SLC16A10: variants seen among roughly 807,000 people sequenced by gnomAD.
SLC16A10 encodes monocarboxylate transporter 10.
SLC16A10 carries 27 observed loss-of-function variants against 40.0 expected under a neutral mutation model. The observed-to-expected ratio is 0.67, with a 90% CI of 0.50 to 0.93. SLC16A10 has a LOEUF of 0.93. SLC16A10 is among the 40% of genes least tolerant of loss of function. SLC16A10 has a pLI of 0.00. For missense variants in SLC16A10, 529 were observed against 658.2 expected (o/e 0.80, Z 2.15); for synonymous variants, 213 against 249.8 (o/e 0.85, Z 1.39).
chr6:111,192,753 A>G (rs1229986435), intron 3 of SLC16A10, among the ~76,000 whole-genome samples: 2 of 152,200 alleles, frequency 1.3e-5, no homozygotes, highest in African/African-American at 4.8e-5. Flanking sequence ...CTTACACGGC[A>G]GGAGGCAAGA....
chr6:111,200,336 C>G (rs901256539), intron 3 of SLC16A10, among the ~76,000 whole-genome samples: 4 of 152,190 alleles, frequency 2.6e-5, no homozygotes, highest in African/African-American at 9.7e-5. Flanking sequence ...GCTAAGATTA[C>G]ATTTTGGGGC....
chr6:111,091,899 A>G (rs1173925728), intron 1 of SLC16A10, among the ~76,000 whole-genome samples: 1 of 152,188 alleles, frequency 6.6e-6, no homozygotes. Context: ...ATAATGACTG[A>G]GAGAGAAAAT....
In SLC16A10 at chr6:111,213,672, G is replaced by C. The variant is rs527731808; in HGVS notation, c.1087-5142G>C. ...CTAGACTGTGGCACTGGGTGTGAAC[G>C]TATCAAATGCATGTTTCTCCATCAG... is the stretch of plus-strand genomic sequence containing the variant. On this transcript the variant is annotated intron_variant, in intron 4 of 5. Transcript: ENST00000368851. Among the ~76,000 whole-genome samples, 6 of 152,318 alleles carry C rather than the reference G, an allele frequency of 3.9e-5. No individual in the cohort carries two copies. In the South Asian group the frequency reaches 8.3e-4, roughly 21 times the overall value.
At chr6:111,097,909 C>T (rs1038919719) in intron 1 of SLC16A10, among the ~76,000 whole-genome samples, 7 of 152,136 alleles carry the variant, frequency 4.6e-5, no homozygotes, top group Admixed American at 4.6e-4. Context: ...ATTGCACCTA[C>T]GGAAAGGTGC....
chr6:111,182,957 C>T (rs762164327), intron 3 of SLC16A10, among the ~76,000 whole-genome samples: 3 of 152,248 alleles, frequency 2.0e-5, no homozygotes, highest in Non-Finnish European at 4.4e-5. Context: ...GCCTGGATCA[C>T]TGCCAGAGCC....
rs544227227 is a variant in SLC16A10 at position 111,224,524 on chromosome 6, A to T, written c.*2289A>T. 9.2e-5 allele frequency: 14 copies of T among 152,334 alleles called. No homozygotes were observed. The highest frequency in any genetic ancestry group is 3.9e-4 in the Admixed American group (6 of 15,294). The allele number at this position is 152,334 out of a possible 1,614,324, so 9.4% of individuals were successfully genotyped here. ...TATGTGTTTGTATATTAAACTTCACATATGTAGTTTTCAGTTTAATGGAAT... is the reference window on the plus strand; with the variant it reads ...TATGTGTTTGTATATTAAACTTCACTTATGTAGTTTTCAGTTTAATGGAAT... On this transcript the variant is annotated 3_prime_UTR_variant, in exon 6 of 6. Transcript: ENST00000368851.
chr6:111,121,474 T>A (rs1457819237), intron 1 of SLC16A10, among the ~76,000 whole-genome samples: 1 of 152,160 alleles, frequency 6.6e-6, no homozygotes, highest in East Asian at 1.9e-4. Context: ...GGCAGGAGGA[T>A]CACCTGAGCC....
chr6:111,100,952 TTCTCTC>T (rs1771165445), intron 1 of SLC16A10, among the ~76,000 whole-genome samples: 1 of 81,612 alleles, frequency 1.2e-5, no homozygotes, highest in Non-Finnish European at 2.4e-5. Context: ...CTCTCGCTCT[TTCTCTC>T]CCTCTCTCTC....
intron 1 of SLC16A10, among the ~76,000 whole-genome samples, chr6:111,118,324 G>A (rs760155929): frequency 8.5e-5 from 13 of 152,180 alleles, no homozygotes; most frequent in Non-Finnish European, 1.8e-4. Flanking sequence ...TAAATTTTCT[G>A]AAAGTTATAG....
chr6:111,127,986 A>G (rs1316575771), intron 1 of SLC16A10, among the ~76,000 whole-genome samples: 1 of 152,146 alleles, frequency 6.6e-6, no homozygotes, highest in Non-Finnish European at 1.5e-5. Context: ...CTATTCACCA[A>G]GCTGAATCCA....
chr6:111,102,833 G>C (rs80079787), intron 1 of SLC16A10, among the ~76,000 whole-genome samples: 1,846 of 152,256 alleles, frequency 0.012, 25 homozygotes, highest in African/African-American at 0.043. Context: ...CTCTGGACTC[G>C]AGCTAATTCC....
chr6:111,143,880 T>C (rs949116262), intron 1 of SLC16A10, among the ~76,000 whole-genome samples: 6 of 152,102 alleles, frequency 3.9e-5, no homozygotes, highest in Non-Finnish European at 8.8e-5. Flanking sequence ...TCCCAACACT[T>C]TGGGAGGTCA....
intron 3 of SLC16A10, among the ~76,000 whole-genome samples, chr6:111,201,992 C>T (rs73530996): frequency 0.012 from 1,814 of 152,314 alleles, 25 homozygotes; most frequent in African/African-American, 0.042. Context: ...ATCAGAACAC[C>T]ATGTGATGTC....
chr6:111,214,098 C>T (rs1178700755), intron 4 of SLC16A10, among the ~76,000 whole-genome samples: 1 of 152,182 alleles, frequency 6.6e-6, no homozygotes, highest in African/African-American at 2.4e-5. Context: ...CAAAAGGAAT[C>T]TTTTGTTCTC....
chr6:111,102,921 A>G (rs529823470), intron 1 of SLC16A10, among the ~76,000 whole-genome samples: 201 of 152,212 alleles, frequency 1.3e-3, no homozygotes, highest in African/African-American at 4.7e-3. Context: ...TATTTTTATG[A>G]GACAGGGTCT....
chr6:111,090,983 G>A (rs1770964715), intron 1 of SLC16A10, among the ~76,000 whole-genome samples: 1 of 152,118 alleles, frequency 6.6e-6, no homozygotes, highest in Non-Finnish European at 1.5e-5. Context: ...ATGGAATCTA[G>A]GTCTCCAAAT....
intron 1 of SLC16A10, among the ~76,000 whole-genome samples, chr6:111,151,019 T>A (rs1254407871): frequency 6.6e-6 from 1 of 152,170 alleles, no homozygotes; most frequent in South Asian, 2.1e-4. Context: ...CTTTGCTCCT[T>A]TTAGGACACT....
chr6:111,182,656 G>A (rs373708506), intron 3 of SLC16A10, among the ~76,000 whole-genome samples: 1 of 151,970 alleles, frequency 6.6e-6, no homozygotes, highest in African/African-American at 2.4e-5. Flanking sequence ...TCTCCACTTG[G>A]GTAACTGCTA....
rs1417642189 is a variant in SLC16A10 at position 111,114,674 on chromosome 6, C to A, written c.343+26579C>A. On this transcript the variant is annotated intron_variant, in intron 1 of 5. Coordinates refer to ENST00000368851, the MANE Select transcript of SLC16A10 (RefSeq NM_018593.5). ...TTTAGCCAATACAGGATGTGGTAATCTCTATAAAGGGAGGGAGGGAAATGG... is the reference window on the plus strand; with the variant it reads ...TTTAGCCAATACAGGATGTGGTAATATCTATAAAGGGAGGGAGGGAAATGG... Among the ~76,000 whole-genome samples the A allele has an allele frequency of 2.6e-5, 4 of 151,958 alleles. No individual in the cohort carries two copies. In the East Asian group the frequency reaches 7.7e-4, roughly 29 times the overall value.
Sources: gnomAD v4.1 joint callset for allele counts (sites outside exome capture counted in the v4.1 genomes callset) on GRCh38, gnomAD v4.1.1 for gene constraint, MANE v1.5 for transcripts, NCBI Gene and HGNC (gene_info 2026-07-23, HGNC 2026-07-21) for gene names.